The following TENT4B variants were observed in gnomAD, a reference collection of about 807,000 sequenced individuals.
TENT4B encodes the protein PAP associated domain containing 5.
TENT4B carries 10 observed loss-of-function variants against 75.0 expected under a neutral mutation model. That is an observed-to-expected ratio of 0.13 (90% CI 0.08 to 0.23). The LOEUF (loss-of-function observed/expected upper bound fraction) is 0.23, where lower values mean the gene tolerates loss of function less well. TENT4B is among the 10% of genes least tolerant of loss of function. The pLI is 1.00. For synonymous variants in TENT4B, 350 were observed against 357.7 expected (o/e 0.98, Z 0.24); for missense variants, 579 against 893.8 (o/e 0.65, Z 4.49).
chr16:50,217,770 C>CTCTCTCTCTCTCTCTCTT (rs1420929033), intron 5 of TENT4B, 107 bp downstream of exon 5: 1 of 625,932 alleles, frequency 1.6e-6, no homozygotes. Flanking sequence ...GTCTCTCTCT[C>CTCTCTCTCTCTCTCTCTT]TCTCTTTTAA....
At chr16:50,206,408 T>C (rs1036834455) in intron 1 of TENT4B, among the ~76,000 whole-genome samples, 3 of 151,082 alleles carry the variant, frequency 2.0e-5, no homozygotes, top group Non-Finnish European at 4.4e-5. Flanking sequence ...TGACAGTTTG[T>C]TTTGGTGGAG....
rs141953613 is a variant in TENT4B at position 50,230,268 on chromosome 16, CT to C, written c.*950del. On this transcript the variant is annotated 3_prime_UTR_variant, in exon 12 of 12. Coordinates refer to ENST00000561678, the MANE Select transcript of TENT4B (RefSeq NM_001365324.3). Reference sequence around the variant, plus strand: ...ACTTTGTGTTTGCTTCCTTTGCAGTCTTTTTTTTTTCCCCCCATTTCTTCCT... The same window carrying C: ...ACTTTGTGTTTGCTTCCTTTGCAGTCTTTTTTTTTCCCCCCATTTCTTCCT... 6.0e-4 allele frequency: 534 copies of C among 891,234 alleles called. 1 individual carries two copies. The highest frequency in any genetic ancestry group is 2.0e-3 in the African/African-American group (92 of 44,950). 55.2% of individuals were successfully genotyped at this position (891,234 alleles called of 1,614,324 possible).
At chr16:50,170,454 A>G (rs2038184360) in intron 1 of TENT4B, among the ~76,000 whole-genome samples, 1 of 152,148 alleles carries the variant, frequency 6.6e-6, no homozygotes. Context: ...ATATCCCCCA[A>G]TCAAATATTT....
At chr16:50,187,440 A>G (rs1456925335) in intron 1 of TENT4B, among the ~76,000 whole-genome samples, 4 of 152,210 alleles carry the variant, frequency 2.6e-5, no homozygotes, top group Admixed American at 6.5e-5. Flanking sequence ...AAAATTAGCC[A>G]GGCATGGTGA....
Position 50,221,163 on chromosome 16 carries a change from G to A in TENT4B, c.1039-1143G>A, listed in dbSNP as rs562919259. ...TAGCTGGGCATGGTGGGCTGAGGTC[G>A]GAGGATCACTTGAGCCCAGGAGCTG... is the stretch of plus-strand genomic sequence containing the variant. On this transcript the variant is annotated intron_variant, in intron 5 of 11. Coordinates refer to ENST00000561678, the MANE Select transcript of TENT4B (RefSeq NM_001365324.3). Among the ~76,000 whole-genome samples, 6 of 152,198 alleles carry A rather than the reference G, an allele frequency of 3.9e-5. No homozygotes were observed. The East Asian group carries it at 7.7e-4, about 20-fold the overall frequency.
chr16:50,157,011 T>A (rs1405987215), intron 1 of TENT4B, among the ~76,000 whole-genome samples: 2 of 152,172 alleles, frequency 1.3e-5, no homozygotes, highest in Non-Finnish European at 2.9e-5. Flanking sequence ...TATAGGTATT[T>A]AAAAAAATCT....
At chr16:50,183,861 A>C (rs927085357) in intron 1 of TENT4B, among the ~76,000 whole-genome samples, 1 of 152,160 alleles carries the variant, frequency 6.6e-6, no homozygotes, top group African/African-American at 2.4e-5. Context: ...CCTGGCCAAC[A>C]TGGTGAAACC....
chr16:50,233,793 A>C lies in TENT4B; in HGVS notation c.*4465A>C, dbSNP rs2032369000. 2.0e-6 allele frequency: 2 copies of C among 985,316 alleles called. No homozygotes were observed. Among genetic ancestry groups the C allele is most frequent in the African/African-American group, 3.5e-5 (2 of 57,244 alleles). The allele number at this position is 985,316 out of a possible 1,614,324, so 61.0% of individuals were successfully genotyped here. On this transcript the variant is annotated 3_prime_UTR_variant, in exon 12 of 12. Coordinates refer to ENST00000561678, the MANE Select transcript of TENT4B (RefSeq NM_001365324.3). The stretch of plus-strand genomic sequence containing the variant: ...GTAGCCTGAAAGAAAAGGAGACAGA[A>C]CCAGAGAGATGGATGTAGTGCATTC...
chr16:50,153,811 A>G lies in TENT4B; in HGVS notation c.190A>G (p.Ser64Gly). 1 of 1,221,698 alleles carries G rather than the reference A, an allele frequency of 8.2e-7. No individual in the cohort carries two copies. Among genetic ancestry groups the G allele is most frequent in the Non-Finnish European group, 1.0e-6 (1 of 984,072 alleles). The allele number at this position is 1,221,698 out of a possible 1,614,324, so 75.7% of individuals were successfully genotyped here. A position where few individuals can be genotyped will look rare whatever the true frequency, so the allele number is the denominator to read the frequency against. The change falls in exon 1 of 12, where the codon AGC becomes GGC. Residue 64 changes from serine to glycine, a missense_variant. By Grantham distance (56) the Ser-to-Gly change is moderately conservative. This residue lies in a region of TENT4B where 253 missense variants were observed against 270.1 expected (regional missense o/e 0.94). Transcript: ENST00000561678. ...SSSTATGGSG[S>G]STGSPGGAAS... ...CAGCACGGCCACCGGCGGGAGCGGCAGCAGCACCGGCAGCCCCGGCGGCGC... is the reference window on the plus strand; with the variant it reads ...CAGCACGGCCACCGGCGGGAGCGGCGGCAGCACCGGCAGCCCCGGCGGCGC...
intron 10 of TENT4B, among the ~76,000 whole-genome samples, chr16:50,226,246 C>T (rs1440274732): frequency 1.3e-5 from 2 of 152,190 alleles, no homozygotes; most frequent in African/African-American, 2.4e-5. Flanking sequence ...AGAGATCCAC[C>T]CGCCTCAGCC....
At chr16:50,169,823 A>C (rs919607059) in intron 1 of TENT4B, among the ~76,000 whole-genome samples, 1 of 152,238 alleles carries the variant, frequency 6.6e-6, no homozygotes, top group African/African-American at 2.4e-5. Flanking sequence ...AGTGAACTCT[A>C]CTGGGCTTTT....
intron 1 of TENT4B, among the ~76,000 whole-genome samples, chr16:50,201,500 G>A (rs2030646302): frequency 6.6e-6 from 1 of 150,660 alleles, no homozygotes; most frequent in Admixed American, 6.6e-5. Context: ...TCGCGCCACT[G>A]CACTCCAACC....
chr16:50,187,721 T>C (rs138716158), intron 1 of TENT4B, among the ~76,000 whole-genome samples: 1 of 152,240 alleles, frequency 6.6e-6, no homozygotes, highest in Non-Finnish European at 1.5e-5. Context: ...TTTATTATTA[T>C]GTTACTTAGG....
intron 5 of TENT4B, among the ~76,000 whole-genome samples, chr16:50,220,592 G>A (rs938359588): frequency 3.3e-5 from 5 of 152,164 alleles, no homozygotes; most frequent in Middle Eastern, 3.4e-3. Context: ...GCAATGGTGC[G>A]ATCATGGCTC....
At chr16:50,179,426 C>T (rs2038370921) in intron 1 of TENT4B, among the ~76,000 whole-genome samples, 1 of 151,972 alleles carries the variant, frequency 6.6e-6, no homozygotes, top group South Asian at 2.1e-4. Flanking sequence ...CTTATGTGAC[C>T]AGTTTAATTT....
At chr16:50,173,183 A>G (rs1376815843) in intron 1 of TENT4B, among the ~76,000 whole-genome samples, 2 of 152,074 alleles carry the variant, frequency 1.3e-5, no homozygotes, top group Admixed American at 1.3e-4. Flanking sequence ...TCCTCAGGTG[A>G]TCCACCCACC....
intron 1 of TENT4B, among the ~76,000 whole-genome samples, chr16:50,196,488 T>TATCATCATC (rs10536148): frequency 0.022 from 3,243 of 149,842 alleles, 47 homozygotes; most frequent in Non-Finnish European, 0.031. Flanking sequence ...AGTTTATCAT[T>TATCATCATC]ATCATCATCA....
intron 7 of TENT4B, 41 bp from the exon 8 acceptor site, chr16:50,224,616 G>A (rs2150748369): frequency 1.9e-6 from 3 of 1,610,752 alleles, no homozygotes; most frequent in South Asian, 1.1e-5. Context: ...TGCATATTAA[G>A]CACAGTCAGG....
chr16:50,211,102 C>G (rs1472094068), intron 1 of TENT4B, among the ~76,000 whole-genome samples: 1 of 152,112 alleles, frequency 6.6e-6, no homozygotes, highest in Non-Finnish European at 1.5e-5. Context: ...TCACCAGCAC[C>G]CCAGCAAGTG....
Sources: gnomAD v4.1 joint callset for allele counts (sites outside exome capture counted in the v4.1 genomes callset) on GRCh38, gnomAD v4.1.1 for gene constraint, gnomAD v4.1.1 regional missense constraint, MANE v1.5 for transcripts, NCBI Gene and HGNC (gene_info 2026-07-23, HGNC 2026-07-21) for gene names.